The following LMF1 variants were observed in gnomAD, a reference collection of about 807,000 sequenced individuals.
LMF1 encodes transmembrane protein 112.
Under a neutral mutation model 60.6 loss-of-function variants are expected in LMF1, and 68 were observed. That is an observed-to-expected ratio of 1.12 (90% confidence interval 0.92 to 1.37). LMF1 has a LOEUF of 1.37. LMF1 is among the 40% of genes most tolerant of loss of function. The pLI is 0.00. For synonymous variants in LMF1, 418 were observed against 324.7 expected, an observed-to-expected ratio of 1.29 and a Z score of -3.09; for missense variants, 948 against 767.2, an observed-to-expected ratio of 1.24 and a Z score of -2.78.
At position 853,905 on chromosome 16, in the gene LMF1, CAT is replaced by C. The variant is rs540696521; in HGVS notation, c.*625_*626del. ...GGGGGATGAAACCGGGCCAAGAACA[CAT>C]GTGTGCACAGGCTGTGTGTGCCTGC... is the stretch of plus-strand genomic sequence containing the variant. On this transcript the variant is annotated 3_prime_UTR_variant, in exon 11 of 11. Transcript: ENST00000262301. 6.5e-4 allele frequency: 293 copies of C among 454,118 alleles called. 3 individuals carry two copies. Among genetic ancestry groups the C allele is most frequent in the African/African-American group, 3.7e-3 (186 of 50,104 alleles). 28.1% of individuals were successfully genotyped at this position (454,118 alleles called of 1,614,324 possible).
intron 5 of LMF1, among the ~76,000 whole-genome samples, chr16:880,463 G>C (rs1739997996): frequency 6.6e-6 from 1 of 152,214 alleles, no homozygotes; most frequent in Admixed American, 6.5e-5. Context: ...CTTGAGCCCA[G>C]GAGTTTGAAG....
At chr16:919,446 CT>C (rs112365903) in intron 3 of LMF1, among the ~76,000 whole-genome samples, 1,886 of 152,248 alleles carry the variant, frequency 0.012, 22 homozygotes, top group South Asian at 0.096. Context: ...CTGAGCCCCC[CT>C]GGGAAAGCTC....
chr16:857,576 CTCGGGACGGGTGTGAG>C (rs2069236569), intron 10 of LMF1, among the ~76,000 whole-genome samples: 2 of 107,128 alleles, frequency 1.9e-5, no homozygotes, highest in African/African-American at 9.9e-5. Flanking sequence ...TGAGTGGTGT[CTCGGGACGGGTGTGAG>C]TGGTGTCACG....
chr16:920,812 G>T (rs2071411345), intron 3 of LMF1, among the ~76,000 whole-genome samples: 1 of 152,240 alleles, frequency 6.6e-6, no homozygotes. Context: ...CGTCAGGAAT[G>T]ATAGTCGACT....
intron 10 of LMF1, among the ~76,000 whole-genome samples, chr16:856,225 G>T (rs13334718): frequency 0.041 from 6,265 of 152,080 alleles, 331 homozygotes; most frequent in African/African-American, 0.13. Flanking sequence ...GACCCCTTGG[G>T]CCTGAGGCTG....
At chr16:908,594 C>G (rs574736955) in intron 4 of LMF1, among the ~76,000 whole-genome samples, 2 of 152,362 alleles carry the variant, frequency 1.3e-5, no homozygotes, top group African/African-American at 4.8e-5. Context: ...CAGGTCAGGC[C>G]CTGCTGCCTC....
chr16:868,111 A>C (rs7185831), intron 10 of LMF1, among the ~76,000 whole-genome samples: 5,405 of 152,132 alleles, frequency 0.036, 286 homozygotes, highest in African/African-American at 0.12. Context: ...CTCAATCCCA[A>C]CCATGTGGGG....
intron 10 of LMF1, among the ~76,000 whole-genome samples, chr16:862,554 C>G (rs1483725121): frequency 6.6e-6 from 1 of 152,056 alleles, no homozygotes; most frequent in African/African-American, 2.4e-5. Flanking sequence ...CAGAGAACCA[C>G]TAGCTTCATA....
intron 5 of LMF1, among the ~76,000 whole-genome samples, chr16:883,525 T>C (rs2070225377): frequency 6.6e-6 from 1 of 152,216 alleles, no homozygotes; most frequent in Non-Finnish European, 1.5e-5. Context: ...AACCCCATTT[T>C]AGAGAAACCA....
intron 4 of LMF1, among the ~76,000 whole-genome samples, chr16:907,109 T>TA (rs1182806988): frequency 1.6e-4 from 24 of 152,172 alleles, no homozygotes; most frequent in African/African-American, 5.5e-4. Context: ...CATATAGAAA[T>TA]ATAACTGATT....
intron 4 of LMF1, among the ~76,000 whole-genome samples, chr16:907,978 G>C (rs1426495595): frequency 6.6e-6 from 1 of 152,210 alleles, no homozygotes; most frequent in Non-Finnish European, 1.5e-5. Context: ...TTGGCACCAG[G>C]AGCTTTGCAT....
rs73497248 is a variant in LMF1 at position 889,333 on chromosome 16, C to T, written c.729+3674G>A. Among the ~76,000 whole-genome samples, 1,171 of 152,234 alleles carry T rather than the reference C, an allele frequency of 7.7e-3. 20 individuals are homozygous for T. The highest frequency in any genetic ancestry group is 0.027 in the African/African-American group (1,118 of 41,530). ...TTTCGTTACCAGCAGATGAAAAAAG[C>T]GGTGAGTGTGGGGTGTGAGGCTGCG... On this transcript the variant is annotated intron_variant, in intron 5 of 10. Transcript: ENST00000262301.
intron 3 of LMF1, among the ~76,000 whole-genome samples, chr16:913,337 G>A (rs4984717): frequency 0.3 from 46,095 of 151,952 alleles, 8,967 homozygotes; most frequent in African/African-American, 0.53. Context: ...TCACTTCCAC[G>A]GCCGCTGCTC....
chr16:922,636 GC>G (rs1178812376), intron 3 of LMF1, among the ~76,000 whole-genome samples: 1 of 142,700 alleles, frequency 7.0e-6, no homozygotes, highest in Non-Finnish European at 1.6e-5. Context: ...TGTTGCGAAG[GC>G]CCTGTGTGAA....
At chr16:910,470 C>A (rs2071079569) in intron 4 of LMF1, among the ~76,000 whole-genome samples, 1 of 152,186 alleles carries the variant, frequency 6.6e-6, no homozygotes, top group Non-Finnish European at 1.5e-5. Flanking sequence ...CCGCGCTTTC[C>A]CTGAGCGTCA....
chr16:970,246 C>T (rs2073012684), intron 1 of LMF1, among the ~76,000 whole-genome samples: 1 of 152,224 alleles, frequency 6.6e-6, no homozygotes, highest in African/African-American at 2.4e-5. Context: ...GGGCCGGCTC[C>T]TCGGATTTTG....
chr16:965,286 T>G (rs759822269), intron 1 of LMF1, among the ~76,000 whole-genome samples: 2 of 151,940 alleles, frequency 1.3e-5, no homozygotes, highest in Non-Finnish European at 2.9e-5. Flanking sequence ...GACAGGAGAG[T>G]GGCCCCCACC....
In LMF1 at chr16:962,730, G is replaced by A. The variant is rs1401322602; in HGVS notation, c.193+8058C>T. On this transcript the variant is annotated intron_variant, in intron 1 of 10. Coordinates refer to ENST00000262301, the MANE Select transcript of LMF1 (RefSeq NM_022773.4). The surrounding 1 kb of genome is among the most constrained non-coding windows in gnomAD (Gnocchi z 4.5). ...GACTCACAGACCAGGGAGGGAGGGA[G>A]GAGACGCCAGGACAAAACCGGGTCC... is the stretch of plus-strand genomic sequence containing the variant. 6.6e-6 allele frequency among the ~76,000 whole-genome samples: 1 copy of A among 152,244 alleles called. No homozygotes were observed. Among genetic ancestry groups the A allele is most frequent in the Admixed American group, 6.5e-5 (1 of 15,290 alleles).
intron 4 of LMF1, among the ~76,000 whole-genome samples, chr16:909,977 G>C (rs1287156070): frequency 2.0e-5 from 3 of 152,200 alleles, no homozygotes; most frequent in Admixed American, 1.3e-4. Context: ...AATCCTCCAC[G>C]AAACACTTAA....
Sources: gnomAD v4.1 joint callset for allele counts (sites outside exome capture counted in the v4.1 genomes callset) on GRCh38, gnomAD v4.1.1 for gene constraint, Gnocchi (gnomAD v3.1) non-coding constraint, MANE v1.5 for transcripts, NCBI Gene and HGNC (gene_info 2026-07-23, HGNC 2026-07-21) for gene names.